Variants in CSPP1 observed in about 807,000 individuals in gnomAD.
CSPP1 encodes the protein centrosome and spindle pole associated protein 1.
CSPP1 carries 126 observed loss-of-function variants against 164.4 expected under a neutral mutation model. The ratio of observed to expected loss-of-function variants is 0.77; its 90% CI spans 0.66 to 0.89. The LOEUF (loss-of-function observed/expected upper bound fraction) is 0.89. CSPP1 is among the 40% of genes least tolerant of loss of function. The pLI is 0.00. For synonymous variants in CSPP1, 472 were observed against 476.7 expected (o/e 0.99, Z 0.13); for missense variants, 1,395 against 1,449.8 (o/e 0.96, Z 0.61).
At chr8:67,104,621 GTGCACTT>G (rs1427935207) in intron 8 of CSPP1, among the ~76,000 whole-genome samples, 13 of 149,656 alleles carry the variant, frequency 8.7e-5, no homozygotes, top group African/African-American at 2.9e-4. Context: ...TTTTATTTAC[GTGCACTT>G]TTTTTCTTTT....
At chr8:67,067,003 G>A (rs1469278835) in intron 1 of CSPP1, among the ~76,000 whole-genome samples, 1 of 152,166 alleles carries the variant, frequency 6.6e-6, no homozygotes, top group African/African-American at 2.4e-5. Context: ...CGATCCGCCC[G>A]TCTTGGCCTC....
intron 1 of CSPP1, among the ~76,000 whole-genome samples, chr8:67,068,430 T>C (rs73256661): frequency 6.6e-6 from 1 of 152,320 alleles, no homozygotes; most frequent in African/African-American, 2.4e-5. Flanking sequence ...CATGATGTCT[T>C]GAAAAAAGTT....
rs942452572 is a variant in CSPP1 at position 67,195,885 on chromosome 8, TTAAGA to T, written c.*297_*301del. ...GCATTATATTGAATTCTGCTTGTCA[TTAAGA>T]TAAGGTGAATAAGTGTCTTAAACGT... is the stretch of plus-strand genomic sequence containing the variant. On this transcript the variant is annotated 3_prime_UTR_variant, in exon 31 of 31. Coordinates refer to ENST00000678616, the MANE Select transcript of CSPP1 (RefSeq NM_001382391.1). 11 of 289,950 alleles carry T rather than the reference TTAAGA, an allele frequency of 3.8e-5. No homozygotes were observed. Among genetic ancestry groups the T allele is most frequent in the African/African-American group, 1.7e-4 (8 of 45,748 alleles). 18.0% of individuals were successfully genotyped at this position (289,950 alleles called of 1,614,324 possible).
chr8:67,101,511 T>A (rs1372439517), intron 7 of CSPP1, among the ~76,000 whole-genome samples: 2 of 152,216 alleles, frequency 1.3e-5, no homozygotes, highest in Admixed American at 6.5e-5. Context: ...AATTTGAGTT[T>A]GTATTTACCT....
At chr8:67,132,182 A>G (rs1336722024) in intron 16 of CSPP1, 102 bp downstream of exon 16, 2 of 1,176,370 alleles carry the variant, frequency 1.7e-6, no homozygotes, top group East Asian at 5.0e-5. Context: ...AAAACAGTTA[A>G]TTATAATTCA....
At chr8:67,074,218 C>A (rs374983934) in intron 1 of CSPP1, 25 bp from the exon 2 acceptor site, 2 of 1,349,814 alleles carry the variant, frequency 1.5e-6, no homozygotes, top group African/African-American at 1.4e-5. Context: ...GATATAGATA[C>A]GCTCACTGAA....
At chr8:67,080,275 C>G (rs1808870146) in intron 3 of CSPP1, among the ~76,000 whole-genome samples, 1 of 152,156 alleles carries the variant, frequency 6.6e-6, no homozygotes, top group African/African-American at 2.4e-5. Flanking sequence ...AGTAATTAAG[C>G]ATAGTGTAGT....
chr8:67,141,898 G>A (rs936256110), intron 17 of CSPP1, among the ~76,000 whole-genome samples: 8 of 152,298 alleles, frequency 5.3e-5, no homozygotes, highest in South Asian at 2.1e-4. Context: ...ACCACATAAC[G>A]TCTGTTCATT....
chr8:67,101,354 C>A (rs944738840), intron 7 of CSPP1, among the ~76,000 whole-genome samples: 4 of 152,102 alleles, frequency 2.6e-5, no homozygotes, highest in Non-Finnish European at 4.4e-5. Flanking sequence ...ATCTATATTC[C>A]CAGGTGCCAG....
At chr8:67,180,891 G>A (rs1333783981) in intron 28 of CSPP1, among the ~76,000 whole-genome samples, 1 of 151,702 alleles carries the variant, frequency 6.6e-6, no homozygotes. Context: ...TTACGATTAT[G>A]TACTCTGATC....
At chr8:67,177,036 A>T (rs1226743195) in intron 26 of CSPP1, among the ~76,000 whole-genome samples, 1 of 145,142 alleles carries the variant, frequency 6.9e-6, no homozygotes, top group Non-Finnish European at 1.5e-5. Flanking sequence ...GTGCCACTGC[A>T]CTCCAGCTTG....
At chr8:67,193,775 T>C (rs1586966556) in intron 30 of CSPP1, among the ~76,000 whole-genome samples, 173 bp downstream of exon 30, 1 of 152,236 alleles carries the variant, frequency 6.6e-6, no homozygotes, top group African/African-American at 2.4e-5. Flanking sequence ...AGGATGCAGT[T>C]TGCATCAGAT....
Position 67,196,445 on chromosome 8 carries a change from G to A in CSPP1, c.*852G>A, listed in dbSNP as rs1837955805. Among the ~76,000 whole-genome samples, 1 of 152,130 alleles carries A rather than the reference G, an allele frequency of 6.6e-6. No individual in the cohort carries two copies. The highest frequency in any genetic ancestry group is 2.4e-5 in the African/African-American group (1 of 41,432). ...AGTGATACTTCTAAAAAAGGAAAGA[G>A]TCATTCAAATAATTGTGACATTCTG... On this transcript the variant is annotated 3_prime_UTR_variant, in exon 31 of 31. Coordinates refer to ENST00000678616, the MANE Select transcript of CSPP1 (RefSeq NM_001382391.1).
At chr8:67,194,990 G>T (rs887724357) in intron 30 of CSPP1, among the ~76,000 whole-genome samples, 2 of 151,974 alleles carry the variant, frequency 1.3e-5, no homozygotes, top group African/African-American at 4.8e-5. Flanking sequence ...AAAATAAAAA[G>T]AAAAAAGAAA....
At chr8:67,146,766 T>G (rs1260611321) in intron 17 of CSPP1, among the ~76,000 whole-genome samples, 1 of 152,196 alleles carries the variant, frequency 6.6e-6, no homozygotes, top group Non-Finnish European at 1.5e-5. Context: ...AATTAATTTT[T>G]TTATAATGAG....
chr8:67,152,086 C>CAAA (rs1185447488), intron 18 of CSPP1, among the ~76,000 whole-genome samples: 4 of 58,090 alleles, frequency 6.9e-5, no homozygotes, highest in African/African-American at 9.2e-5. Flanking sequence ...GACTCCATCT[C>CAAA]AAAAAAAAAA....
At chr8:67,080,205 A>G (rs2129542351) in intron 3 of CSPP1, among the ~76,000 whole-genome samples, 1 of 152,320 alleles carries the variant, frequency 6.6e-6, no homozygotes, top group South Asian at 2.1e-4. Context: ...CAGGTCTAAT[A>G]TAGGTCAGAT....
intron 1 of CSPP1, 88 bp from the exon 2 acceptor site, chr8:67,074,155 A>C: frequency 1.5e-6 from 1 of 673,456 alleles, no homozygotes; most frequent in South Asian, 2.4e-5. Context: ...AGTGAGATTG[A>C]AAACTAAATG....
chr8:67,175,490 G>C, intron 26 of CSPP1, 54 bp downstream of exon 26: 1 of 1,597,722 alleles, frequency 6.3e-7, no homozygotes, highest in Non-Finnish European at 8.6e-7. Flanking sequence ...TTTTTCCGTA[G>C]GCTTTCTGCA....
Sources: gnomAD v4.1 joint callset for allele counts (sites outside exome capture counted in the v4.1 genomes callset) on GRCh38, gnomAD v4.1.1 for gene constraint, MANE v1.5 for transcripts, NCBI Gene and HGNC (gene_info 2026-07-23, HGNC 2026-07-21) for gene names.